The following CACNA2D3 variants were observed in gnomAD, a reference collection of about 807,000 sequenced individuals.
CACNA2D3 encodes the protein voltage-dependent calcium channel subunit alpha-2/delta-3.
Under a neutral mutation model 160.6 loss-of-function variants are expected in CACNA2D3, and 60 were observed. The observed-to-expected ratio is 0.37, with a 90% confidence interval of 0.30 to 0.46. The LOEUF is 0.46. Among genes scored for constraint, CACNA2D3 ranks in the 20% least tolerant of loss-of-function variants. The probability of loss-of-function intolerance (pLI) is 1.00; values close to 1 mark genes in which losing one functional copy is unlikely to be tolerated. For missense variants in CACNA2D3, 1,205 were observed against 1,365.0 expected (o/e 0.88, Z 1.85); for synonymous variants, 558 against 492.9 (o/e 1.13, Z -1.75).
chr3:54,693,414 A>T (rs1700603485), intron 11 of CACNA2D3, among the ~76,000 whole-genome samples: 1 of 152,260 alleles, frequency 6.6e-6, no homozygotes, highest in Admixed American at 6.5e-5. Flanking sequence ...ATGCTGGTGT[A>T]AACAAGGCTG....
At chr3:54,204,887 C>T (rs540058974) in intron 2 of CACNA2D3, among the ~76,000 whole-genome samples, 15 of 150,890 alleles carry the variant, frequency 9.9e-5, no homozygotes, top group African/African-American at 2.9e-4. Context: ...TTACCATCTC[C>T]TCAAAGATGA....
intron 11 of CACNA2D3, among the ~76,000 whole-genome samples, chr3:54,730,010 A>T (rs137903739): frequency 0.16 from 24,596 of 151,064 alleles, 2,314 homozygotes; most frequent in Non-Finnish European, 0.21. Flanking sequence ...AAAAAAAAAA[A>T]AAAAAAAAAA....
intron 2 of CACNA2D3, among the ~76,000 whole-genome samples, chr3:54,280,431 A>G (rs1388611251): frequency 6.6e-6 from 1 of 152,112 alleles, no homozygotes; most frequent in Non-Finnish European, 1.5e-5. Flanking sequence ...TCTTGGACCC[A>G]AGCTCTTTGC....
At chr3:54,293,678 C>T (rs890035295) in intron 2 of CACNA2D3, among the ~76,000 whole-genome samples, 1 of 152,056 alleles carries the variant, frequency 6.6e-6, no homozygotes, top group Admixed American at 6.6e-5. Flanking sequence ...ATGCATCATA[C>T]TGAGTGAAAG....
At chr3:55,070,744 C>T (rs2107233223) in intron 35 of CACNA2D3, among the ~76,000 whole-genome samples, 1 of 152,290 alleles carries the variant, frequency 6.6e-6, no homozygotes, top group Admixed American at 6.5e-5. Context: ...GGTTCTACCG[C>T]ACAAATGTGA....
intron 5 of CACNA2D3, among the ~76,000 whole-genome samples, chr3:54,506,761 C>T (rs1701377452): frequency 6.6e-6 from 1 of 152,144 alleles, no homozygotes; most frequent in East Asian, 1.9e-4. Flanking sequence ...GCTCTGGCAT[C>T]CCCAGCTTGT....
intron 18 of CACNA2D3, among the ~76,000 whole-genome samples, chr3:54,873,523 C>T (rs146749775): frequency 1.3e-5 from 2 of 152,252 alleles, no homozygotes; most frequent in Non-Finnish European, 2.9e-5. Context: ...GCGAATGTCT[C>T]CTTTAGTAAT....
rs983906458 is a variant in CACNA2D3, at chr3:54,147,166, A to T, written c.204+23572A>T. 4.3e-4 allele frequency among the ~76,000 whole-genome samples: 65 copies of T among 152,344 alleles called. 1 individual carries two copies. The highest frequency in any genetic ancestry group is 1.4e-3 in the African/African-American group (59 of 41,594). Reference sequence around the variant, plus strand: ...GGGGACAGCTGGGAATTCCCCCTGCACTGCCTGCTGGCTGTCACTTGGGTG... The same window carrying T: ...GGGGACAGCTGGGAATTCCCCCTGCTCTGCCTGCTGGCTGTCACTTGGGTG... On this transcript the variant is annotated intron_variant, in intron 2 of 37. Coordinates refer to ENST00000474759, the MANE Select transcript of CACNA2D3 (RefSeq NM_018398.3).
At chr3:54,987,801 TAA>T in intron 31 of CACNA2D3, 48 bp downstream of exon 31, 1 of 1,430,892 alleles carries the variant, frequency 7.0e-7, no homozygotes, top group Non-Finnish European at 9.5e-7. Context: ...TTTTCCTAAA[TAA>T]AATAAAACAA....
At chr3:54,328,488 G>T (rs1395746155) in intron 3 of CACNA2D3, among the ~76,000 whole-genome samples, 3 of 152,058 alleles carry the variant, frequency 2.0e-5, no homozygotes, top group Admixed American at 6.5e-5. Flanking sequence ...CACCATGTTG[G>T]CCGGGCTGGT....
intron 11 of CACNA2D3, among the ~76,000 whole-genome samples, chr3:54,723,941 G>T (rs1258049676): frequency 6.6e-6 from 1 of 152,112 alleles, no homozygotes; most frequent in African/African-American, 2.4e-5. Context: ...AATGTAAATG[G>T]GCTAAATGCC....
chr3:54,136,727 T>G (rs140942407), intron 2 of CACNA2D3, among the ~76,000 whole-genome samples: 97 of 152,358 alleles, frequency 6.4e-4, no homozygotes, highest in Non-Finnish European at 1.1e-3. Context: ...GAGCCTCAAT[T>G]CTACAGGATG....
chr3:54,604,587 C>T (rs946354211), intron 9 of CACNA2D3, among the ~76,000 whole-genome samples: 1 of 152,140 alleles, frequency 6.6e-6, no homozygotes, highest in Non-Finnish European at 1.5e-5. Flanking sequence ...TTCCTGGAAC[C>T]CACATCCCAG....
intron 21 of CACNA2D3, among the ~76,000 whole-genome samples, chr3:54,883,320 C>T (rs970133270): frequency 2.0e-5 from 3 of 152,146 alleles, no homozygotes; most frequent in Non-Finnish European, 4.4e-5. Context: ...CCGCGCCTGG[C>T]CACTTTGTAT....
At chr3:54,818,330 G>A (rs1356470032) in intron 14 of CACNA2D3, among the ~76,000 whole-genome samples, 2 of 152,174 alleles carry the variant, frequency 1.3e-5, no homozygotes, top group South Asian at 2.1e-4. Context: ...ACAGACATGC[G>A]CCACCGCACC....
At chr3:54,613,516 T>C (rs1172012554) in intron 9 of CACNA2D3, among the ~76,000 whole-genome samples, 1 of 152,242 alleles carries the variant, frequency 6.6e-6, no homozygotes, top group Non-Finnish European at 1.5e-5. Flanking sequence ...TTCTGTTTAC[T>C]CATGGTCCAC....
chr3:54,689,819 A>G (rs150719031), intron 11 of CACNA2D3, among the ~76,000 whole-genome samples: 225 of 152,052 alleles, frequency 1.5e-3, no homozygotes, highest in African/African-American at 5.0e-3. Flanking sequence ...CCCTTCCCCT[A>G]TAATCTGTTT....
At position 54,468,267 on chromosome 3, in the gene CACNA2D3, G is replaced by A. The variant is rs532401340; in HGVS notation, c.382-35225G>A. 3.3e-5 allele frequency among the ~76,000 whole-genome samples: 5 copies of A among 152,330 alleles called. No homozygotes were observed. In the South Asian group the frequency reaches 1.0e-3, roughly 32 times the overall value. On this transcript the variant is annotated intron_variant, in intron 4 of 37. Coordinates refer to ENST00000474759, the MANE Select transcript of CACNA2D3 (RefSeq NM_018398.3). ...CATTGGGACTGGTTGGACAGTGGGTGCAGCCCGTGGAGGGTGAGCTGAAGC... is the reference window on the plus strand; with the variant it reads ...CATTGGGACTGGTTGGACAGTGGGTACAGCCCGTGGAGGGTGAGCTGAAGC...
At chr3:54,750,868 C>T (rs1203497003) in intron 11 of CACNA2D3, among the ~76,000 whole-genome samples, 3 of 151,664 alleles carry the variant, frequency 2.0e-5, no homozygotes, top group African/African-American at 7.3e-5. Context: ...CTCCCAGGTT[C>T]AAGCAATTCT....
Sources: gnomAD v4.1 joint callset for allele counts (sites outside exome capture counted in the v4.1 genomes callset) on GRCh38, gnomAD v4.1.1 for gene constraint, MANE v1.5 for transcripts, NCBI Gene and HGNC (gene_info 2026-07-23, HGNC 2026-07-21) for gene names.